DPYD: variants seen among roughly 807,000 people sequenced by gnomAD.
The protein encoded by DPYD is dihydropyrimidine dehydrogenase [NADP(+)].
Under a neutral mutation model 116.2 loss-of-function variants are expected in DPYD, and 109 were observed. The ratio of observed to expected loss-of-function variants is 0.94; its 90% CI spans 0.80 to 1.10. The LOEUF (loss-of-function observed/expected upper bound fraction) is 1.10. DPYD is among the 50% of genes least tolerant of loss of function. The probability of loss-of-function intolerance (pLI) is 0.00; values close to 1 mark genes in which losing one functional copy is unlikely to be tolerated. For synonymous variants in DPYD, 440 were observed against 432.0 expected (o/e 1.02, Z -0.23); for missense variants, 1,302 against 1,254.5 (o/e 1.04, Z -0.57).
At chr1:97,429,768 T>C (rs1317911880) in intron 14 of DPYD, among the ~76,000 whole-genome samples, 1 of 152,154 alleles carries the variant, frequency 6.6e-6, no homozygotes, top group Non-Finnish European at 1.5e-5. Flanking sequence ...ATACCCTGAC[T>C]AATCAATATT....
At chr1:97,131,828 A>T (rs574268925) in intron 20 of DPYD, among the ~76,000 whole-genome samples, 116 of 152,322 alleles carry the variant, frequency 7.6e-4, no homozygotes, top group African/African-American at 2.7e-3. Flanking sequence ...TGAAGAAAAA[A>T]AGATCATTCA....
chr1:97,346,292 G>C (rs1159931909), intron 16 of DPYD, among the ~76,000 whole-genome samples: 1 of 151,594 alleles, frequency 6.6e-6, no homozygotes. Flanking sequence ...GCATTTGGTT[G>C]TTTCTAGTTT....
At chr1:97,473,019 T>C (rs1227654400) in intron 13 of DPYD, among the ~76,000 whole-genome samples, 1 of 152,182 alleles carries the variant, frequency 6.6e-6, no homozygotes, top group Non-Finnish European at 1.5e-5. Flanking sequence ...ATTTCAAAAA[T>C]ACAATATATG....
intron 14 of DPYD, among the ~76,000 whole-genome samples, chr1:97,398,254 T>A (rs1443532185): frequency 6.6e-6 from 1 of 152,148 alleles, no homozygotes; most frequent in African/African-American, 2.4e-5. Flanking sequence ...GCTTCATCCA[T>A]GTCCCTAAAA....
At chr1:97,873,121 AC>A (rs1227936100) in intron 2 of DPYD, among the ~76,000 whole-genome samples, 1 of 151,888 alleles carries the variant, frequency 6.6e-6, no homozygotes, top group Admixed American at 6.6e-5. Context: ...AATGAGGTTA[AC>A]ACCTGTGCAA....
At chr1:97,360,620 C>A (rs1670671532) in intron 16 of DPYD, among the ~76,000 whole-genome samples, 3 of 152,176 alleles carry the variant, frequency 2.0e-5, no homozygotes, top group Admixed American at 2.0e-4. Flanking sequence ...GACCACAGTG[C>A]AATCAAATTA....
At chr1:97,357,452 C>A (rs1670483893) in intron 16 of DPYD, among the ~76,000 whole-genome samples, 1 of 151,784 alleles carries the variant, frequency 6.6e-6, no homozygotes, top group Non-Finnish European at 1.5e-5. Flanking sequence ...TCTGCTTTTC[C>A]TATTTGCATG....
At chr1:97,195,689 T>TATACAC (rs1658754909) in intron 19 of DPYD, among the ~76,000 whole-genome samples, 1 of 105,564 alleles carries the variant, frequency 9.5e-6, no homozygotes, top group Non-Finnish European at 1.9e-5. Context: ...TATATATATA[T>TATACAC]GCCTAGGAGT....
intron 12 of DPYD, among the ~76,000 whole-genome samples, chr1:97,524,726 G>A (rs1205000189): frequency 6.6e-6 from 1 of 151,964 alleles, no homozygotes; most frequent in Non-Finnish European, 1.5e-5. Context: ...ACACCCCTAG[G>A]ATGTTATCCT....
chr1:97,176,335 C>G (rs575062431), intron 20 of DPYD, among the ~76,000 whole-genome samples: 57 of 152,314 alleles, frequency 3.7e-4, no homozygotes, highest in African/African-American at 1.3e-3. Flanking sequence ...AAATCTCTGG[C>G]TTGCTCTATT....
At chr1:97,732,777 C>T (rs776919886) in intron 4 of DPYD, among the ~76,000 whole-genome samples, 1 of 151,876 alleles carries the variant, frequency 6.6e-6, no homozygotes, top group African/African-American at 2.4e-5. Flanking sequence ...ACTACAGTAA[C>T]ATTAGTAATA....
intron 21 of DPYD, 72 bp from the exon 22 acceptor site, chr1:97,082,542 G>A: frequency 6.4e-7 from 1 of 1,555,754 alleles, no homozygotes; most frequent in Non-Finnish European, 8.8e-7. Context: ...ATATCACTCA[G>A]CATTTTCCTG....
intron 8 of DPYD, among the ~76,000 whole-genome samples, chr1:97,610,169 C>T (rs2786501): frequency 6.6e-6 from 1 of 151,932 alleles, no homozygotes; most frequent in East Asian, 1.9e-4. Context: ...TAAACTATAA[C>T]TGTCCCAGAT....
chr1:97,242,122 GTGTATATATATATATATATATATA>G (rs1232460626), intron 18 of DPYD, among the ~76,000 whole-genome samples: 47 of 71,590 alleles, frequency 6.6e-4, no homozygotes, highest in East Asian at 2.9e-3. Context: ...GTGTGTGCGT[GTGTATATATATATATATATATATA>G]TATATATATA....
chr1:97,311,930 A>C (rs1436703450), intron 16 of DPYD, among the ~76,000 whole-genome samples: 2 of 151,752 alleles, frequency 1.3e-5, no homozygotes, highest in African/African-American at 4.8e-5. Context: ...AAGCAAAGCA[A>C]AGAGTAGGGA....
intron 18 of DPYD, among the ~76,000 whole-genome samples, chr1:97,303,600 C>G (rs1291738227): frequency 6.6e-6 from 1 of 151,974 alleles, no homozygotes; most frequent in African/African-American, 2.4e-5. Context: ...TTTTCAGATT[C>G]TATTACTTTT....
In DPYD at chr1:97,224,995, GTCTGTCTGTCTATCTA is replaced by G. The variant is rs754023344; in HGVS notation, c.2442+9841_2442+9856del. Among the ~76,000 whole-genome samples, 667 of 132,974 alleles carry G rather than the reference GTCTGTCTGTCTATCTA, an allele frequency of 5.0e-3. 3 individuals carry two copies. Among genetic ancestry groups the G allele is most frequent in the Middle Eastern group, 0.027 (7 of 264 alleles). The allele number at this position is 132,974 out of a possible 152,430, so 87.2% of individuals were successfully genotyped here. The stretch of plus-strand genomic sequence containing the variant: ...GGAGTACAGATCTATCTAACTATCT[GTCTGTCTGTCTATCTA>G]TCTATCTATCTATCTATCTATCTAT... On this transcript the variant is annotated intron_variant, in intron 19 of 22. Transcript: ENST00000370192.
At chr1:97,669,916 C>A (rs1188944827) in intron 8 of DPYD, among the ~76,000 whole-genome samples, 1 of 152,128 alleles carries the variant, frequency 6.6e-6, no homozygotes, top group African/African-American at 2.4e-5. Flanking sequence ...TGTATGTCTT[C>A]TTCAGTTCAC....
At chr1:97,835,077 A>C (rs1669703896) in intron 2 of DPYD, among the ~76,000 whole-genome samples, 1 of 152,032 alleles carries the variant, frequency 6.6e-6, no homozygotes, top group Admixed American at 6.6e-5. Flanking sequence ...CATTTCACTA[A>C]TTGTGGCCAG....
Sources: gnomAD v4.1 joint callset for allele counts (sites outside exome capture counted in the v4.1 genomes callset) on GRCh38, gnomAD v4.1.1 for gene constraint, MANE v1.5 for transcripts, NCBI Gene and HGNC (gene_info 2026-07-23, HGNC 2026-07-21) for gene names.